Variants in REDIC1 observed in about 807,000 individuals in gnomAD.
REDIC1 encodes the protein regulator of DNA class I crossover intermediates 1, also known as HEI10 Interacting Protein 1.
At chr12:39,691,871 T>A in the REDIC1 span, among the ~76,000 whole-genome samples, 5 of 152,126 alleles carry the variant, frequency 3.3e-5, no homozygotes, top group Non-Finnish European at 7.4e-5. Flanking sequence ...GAATTTAAAT[T>A]TCATTTTATT....
chr12:39,871,873 A>G, the REDIC1 span: 1 of 1,612,384 alleles, frequency 6.2e-7, no homozygotes, highest in Non-Finnish European at 8.5e-7. Flanking sequence ...GTGAAAATGA[A>G]ATTTGTGAAG....
chr12:39,699,943 C>T, the REDIC1 span, among the ~76,000 whole-genome samples: 1 of 152,178 alleles, frequency 6.6e-6, no homozygotes, highest in Non-Finnish European at 1.5e-5. Flanking sequence ...ATCTGTACAT[C>T]ACCATCATCA....
chr12:39,665,915 T>A, the REDIC1 span, among the ~76,000 whole-genome samples: 12 of 151,972 alleles, frequency 7.9e-5, no homozygotes, highest in East Asian at 1.2e-3. Context: ...TTTTGCACAT[T>A]GATTTTGTAT....
the REDIC1 span, among the ~76,000 whole-genome samples, chr12:39,747,831 T>C: frequency 2.5e-4 from 38 of 152,086 alleles, no homozygotes; most frequent in African/African-American, 8.9e-4. Context: ...CAAACTAAGC[T>C]TCATAAGTGA....
the REDIC1 span, among the ~76,000 whole-genome samples, chr12:39,896,613 T>C: frequency 2.0e-5 from 3 of 151,412 alleles, no homozygotes; most frequent in Non-Finnish European, 4.4e-5. Context: ...TGTATATGTG[T>C]TTATATGTAA....
chr12:39,706,168 A>G, the REDIC1 span, among the ~76,000 whole-genome samples: 1 of 152,054 alleles, frequency 6.6e-6, no homozygotes, highest in Non-Finnish European at 1.5e-5. Context: ...TTATATGCCA[A>G]CAGTGAACAG....
the REDIC1 span, among the ~76,000 whole-genome samples, chr12:39,744,768 C>T: frequency 6.6e-6 from 1 of 151,688 alleles, no homozygotes; most frequent in Non-Finnish European, 1.5e-5. Context: ...CCAAAAATGG[C>T]AGAAAAAAGG....
the REDIC1 span, among the ~76,000 whole-genome samples, chr12:39,709,964 C>T: frequency 6.6e-6 from 1 of 151,772 alleles, no homozygotes; most frequent in Non-Finnish European, 1.5e-5. Flanking sequence ...TCCAGTTTTT[C>T]TACATCCTTG....
the REDIC1 span, among the ~76,000 whole-genome samples, chr12:39,810,573 T>C: frequency 1.3e-5 from 2 of 152,040 alleles, no homozygotes; most frequent in African/African-American, 4.8e-5. Flanking sequence ...AGAGGGAAAA[T>C]AATATTTTGC....
chr12:39,796,051 C>G, the REDIC1 span, among the ~76,000 whole-genome samples: 1,832 of 152,224 alleles, frequency 0.012, 38 homozygotes, highest in African/African-American at 0.041. Flanking sequence ...CTCTTCTCCC[C>G]CCAGCCTCTG....
At chr12:39,646,787 C>A in the REDIC1 span, 1 of 1,198,438 alleles carries the variant, frequency 8.3e-7, no homozygotes, top group Non-Finnish European at 1.2e-6. Flanking sequence ...TAGGAAAGGA[C>A]AGTCGATTTT....
the REDIC1 span, among the ~76,000 whole-genome samples, chr12:39,706,955 C>A: frequency 1.3e-5 from 2 of 151,884 alleles, no homozygotes; most frequent in Non-Finnish European, 2.9e-5. Context: ...GTAAAAATTT[C>A]TTGAGTAATA....
At chr12:39,682,790 C>T in the REDIC1 span, 1 of 1,612,968 alleles carries the variant, frequency 6.2e-7, no homozygotes, top group East Asian at 2.2e-5. Flanking sequence ...CAGTCTACTC[C>T]TAACCTTCTA....
the REDIC1 span, chr12:39,907,659 T>C: frequency 6.6e-6 from 1 of 152,180 alleles, no homozygotes; most frequent in East Asian, 1.9e-4. Flanking sequence ...CCCATTACTT[T>C]GGAAATAGAA....
At chr12:39,728,936 T>A in the REDIC1 span, among the ~76,000 whole-genome samples, 1 of 152,100 alleles carries the variant, frequency 6.6e-6, no homozygotes, top group Non-Finnish European at 1.5e-5. Flanking sequence ...GATTTTCTAG[T>A]TATATCTGCA....
At chr12:39,706,049 T>C in the REDIC1 span, among the ~76,000 whole-genome samples, 1 of 152,094 alleles carries the variant, frequency 6.6e-6, no homozygotes, top group Admixed American at 6.6e-5. Flanking sequence ...GCCAATGATG[T>C]GGTCTTATAT....
the REDIC1 span, among the ~76,000 whole-genome samples, chr12:39,689,095 T>G: frequency 6.6e-6 from 1 of 152,184 alleles, no homozygotes; most frequent in Admixed American, 6.5e-5. Context: ...ATCTCACTAA[T>G]GAAATGTTCG....
the REDIC1 span, among the ~76,000 whole-genome samples, chr12:39,702,783 C>T: frequency 2.6e-4 from 39 of 152,222 alleles, no homozygotes; most frequent in African/African-American, 7.0e-4. Context: ...GTTCAATATA[C>T]GCAAATCAAT....
At chr12:39,870,226 T>C in the REDIC1 span, among the ~76,000 whole-genome samples, 4 of 152,198 alleles carry the variant, frequency 2.6e-5, no homozygotes, top group Non-Finnish European at 5.9e-5. Flanking sequence ...GGTAGCAATA[T>C]ACTGGAGTTC....
Sources: gnomAD v4.1 joint callset for allele counts (sites outside exome capture counted in the v4.1 genomes callset) on GRCh38, gnomAD v4.1.1 for gene constraint, MANE v1.5 for transcripts, NCBI Gene and HGNC (gene_info 2026-07-23, HGNC 2026-07-21) for gene names.